CACNA2D4: variants seen among roughly 807,000 people sequenced by gnomAD.
The protein encoded by CACNA2D4 is calcium voltage-gated channel auxiliary subunit alpha2delta 4.
Under a neutral mutation model 163.8 loss-of-function variants are expected in CACNA2D4, and 157 were observed. That is an observed-to-expected ratio of 0.96 (90% CI 0.84 to 1.09). The LOEUF (loss-of-function observed/expected upper bound fraction) is 1.09. CACNA2D4 is among the 50% of genes least tolerant of loss of function. The probability of loss-of-function intolerance (pLI) is 0.00; values close to 1 mark genes in which losing one functional copy is unlikely to be tolerated. For synonymous variants in CACNA2D4, 598 were observed against 586.9 expected (o/e 1.02, Z -0.27); for missense variants, 1,410 against 1,479.9 (o/e 0.95, Z 0.78).
At chr12:1,797,153 G>C (rs921547382) in intron 35 of CACNA2D4, among the ~76,000 whole-genome samples, 16 of 152,212 alleles carry the variant, frequency 1.1e-4, no homozygotes, top group Non-Finnish European at 2.2e-4. Context: ...GACACACAGG[G>C]TCAGGCCTCG....
At chr12:1,845,366 T>G (rs1409931601) in intron 24 of CACNA2D4, among the ~76,000 whole-genome samples, 1 of 92,572 alleles carries the variant, frequency 1.1e-5, no homozygotes, top group Admixed American at 1.6e-4. Context: ...CTCTGCCTTC[T>G]CCACCTCCGC....
At chr12:1,817,877 C>T (rs1382704821) in intron 26 of CACNA2D4, among the ~76,000 whole-genome samples, 4 of 151,038 alleles carry the variant, frequency 2.6e-5, no homozygotes, top group African/African-American at 5.0e-5. Flanking sequence ...CCCAAAGTGC[C>T]GAGATTGCAG....
rs756285159 is a variant in CACNA2D4 at position 1,909,947 on chromosome 12, C to A, written c.445G>T (p.Glu149Ter). The change falls in exon 4 of 38, where the codon GAG (glutamate) becomes TAG (stop). Residue 149 changes from glutamate to a stop codon, truncating the protein, a stop_gained. Coordinates refer to ENST00000382722, the MANE Select transcript of CACNA2D4 (RefSeq NM_172364.5). LOFTEE classifies it high-confidence loss of function. ...AATTCGTGGTTCAGGTCGGCCTCCT[C>A]GGCAGCTTCCACCAGATTCTGAGGG... Reference protein sequence around the residue: ...EAVQNLVEAAEEADLNHEFNE... With the variant: ...EAVQNLVEAA The A allele has an allele frequency of 2.1e-5, 34 of 1,613,642 alleles. No homozygotes were observed. The highest frequency in any genetic ancestry group is 2.8e-5 in the Non-Finnish European group (33 of 1,179,784).
chr12:1,837,388 C>T (rs1438791212), intron 26 of CACNA2D4, among the ~76,000 whole-genome samples: 1 of 152,114 alleles, frequency 6.6e-6, no homozygotes, highest in Non-Finnish European at 1.5e-5. Flanking sequence ...CTCCACGGGG[C>T]TCAGCAGGTG....
intron 23 of CACNA2D4, among the ~76,000 whole-genome samples, chr12:1,852,840 C>T (rs1865315189): frequency 6.6e-6 from 1 of 152,116 alleles, no homozygotes; most frequent in Non-Finnish European, 1.5e-5. Context: ...TCCAGCTCTG[C>T]CACTTTCGAG....
Position 1,878,655 on chromosome 12 carries a change from T to TAATCTCAC in CACNA2D4, c.1645-274_1645-267dup, listed in dbSNP as rs1445390527. 1.2e-4 allele frequency among the ~76,000 whole-genome samples: 18 copies of TAATCTCAC among 152,340 alleles called. No homozygotes were observed. The East Asian group carries it at 3.3e-3, about 28-fold the overall frequency. ...ACATGTTCTGGGTGCTTTGATGATG[T>TAATCTCAC]AATCTCACTCACCCTTACAGCAGGA... On this transcript the variant is annotated intron_variant, in intron 15 of 37. Coordinates refer to ENST00000382722, the MANE Select transcript of CACNA2D4 (RefSeq NM_172364.5). This position sits in a 1 kb window ranked among gnomAD's most constrained non-coding sequence, Gnocchi z 4.6.
chr12:1,857,619 AC>A (rs1865429173), intron 20 of CACNA2D4, among the ~76,000 whole-genome samples: 1 of 151,952 alleles, frequency 6.6e-6, no homozygotes, highest in African/African-American at 2.4e-5. Context: ...GATATCTGTG[AC>A]CCCTGAGATA....
Position 1,793,622 on chromosome 12 carries a change from A to G in CACNA2D4, c.*33T>C, listed in dbSNP as rs1263335557. The G allele has an allele frequency of 1.3e-6, 2 of 1,587,588 alleles. No individual in the cohort carries two copies. The highest frequency in any genetic ancestry group is 1.7e-6 in the Non-Finnish European group (2 of 1,156,162). ...TTTTTGGGATGGCTCTGGAAGGATC[A>G]CCTTGCCAAAACACAGGTCAGGCTG... On this transcript the variant is annotated 3_prime_UTR_variant, in exon 38 of 38. Coordinates refer to ENST00000382722, the MANE Select transcript of CACNA2D4 (RefSeq NM_172364.5).
chr12:1,824,391 C>T (rs556386934), intron 26 of CACNA2D4, among the ~76,000 whole-genome samples: 1 of 152,298 alleles, frequency 6.6e-6, no homozygotes, highest in Non-Finnish European at 1.5e-5. Context: ...CAATGGTCTA[C>T]ACTCAAAGCC....
rs980203396 is a variant in CACNA2D4, at chr12:1,795,452, A to G, written c.3227-71T>C. 18 of 1,427,726 alleles carry G rather than the reference A, an allele frequency of 1.3e-5. No homozygotes were observed. In the African/African-American group the frequency reaches 2.4e-4, roughly 19 times the overall value. 88.4% of individuals were successfully genotyped at this position (1,427,726 alleles called of 1,614,324 possible). On this transcript the variant is annotated intron_variant, in intron 36 of 37. Transcript: ENST00000382722. ...TTCTGCAGACTGGAAAAAGGTCTGG[A>G]AGAACCTGCTCTGGTGCCACCAGTT...
chr12:1,869,619 G>A lies in CACNA2D4; in HGVS notation c.1878+4985C>T, dbSNP rs1330950010. On this transcript the variant is annotated intron_variant, in intron 18 of 37. Coordinates refer to ENST00000382722, the MANE Select transcript of CACNA2D4 (RefSeq NM_172364.5). The surrounding 1 kb of genome is among the most constrained non-coding windows in gnomAD (Gnocchi z 4.7). ...ATCCAGCTTTCCTTCCCAACTGCTGGTCATGCTGACCTACAATGACTTCAA... is the reference window on the plus strand; with the variant it reads ...ATCCAGCTTTCCTTCCCAACTGCTGATCATGCTGACCTACAATGACTTCAA... Among the ~76,000 whole-genome samples the A allele has an allele frequency of 1.3e-5, 2 of 152,126 alleles. No homozygotes were observed. The highest frequency in any genetic ancestry group is 2.9e-5 in the Non-Finnish European group (2 of 68,024).
rs1864772431 is a variant in CACNA2D4 at position 1,834,585 on chromosome 12, T to C, written c.2551+6154A>G. The C allele has an allele frequency of 1.2e-6, 2 of 1,600,532 alleles. No individual in the cohort carries two copies. Among genetic ancestry groups the C allele is most frequent in the South Asian group, 1.1e-5 (1 of 91,082 alleles). On this transcript the variant is annotated intron_variant, in intron 26 of 37. Coordinates refer to ENST00000382722, the MANE Select transcript of CACNA2D4 (RefSeq NM_172364.5). The surrounding 1 kb of genome is among the most constrained non-coding windows in gnomAD (Gnocchi z 7.6). ...TGCGGCGTCGTCTGCATCATGATGG[T>C]GGTGGCCGCTGCCTATGGCTGCATC...
rs1219833736 is a variant in CACNA2D4, at chr12:1,827,836, C to T, written c.2551+12903G>A. 8.7e-6 allele frequency: 3 copies of T among 343,092 alleles called. No individual in the cohort carries two copies. The Admixed American group carries it at 1.4e-4, about 16-fold the overall frequency. 21.3% of individuals were successfully genotyped at this position (343,092 alleles called of 1,614,324 possible). ...GCTGGGTAGGCCCATGGGTGCACCC[C>T]CAGCTTTGCGGCACTGTGCCCGACC... On this transcript the variant is annotated intron_variant, in intron 26 of 37. Transcript: ENST00000382722.
At chr12:1,831,218 TCTGA>T in intron 26 of CACNA2D4, 1 of 1,613,892 alleles carries the variant, frequency 6.2e-7, no homozygotes, top group Non-Finnish European at 8.5e-7. Flanking sequence ...ACCTGACGAA[TCTGA>T]CTGAGCTTCA....
intron 26 of CACNA2D4, among the ~76,000 whole-genome samples, chr12:1,817,973 T>C (rs1325162849): frequency 4.3e-5 from 6 of 138,974 alleles, no homozygotes; most frequent in South Asian, 2.4e-4. Flanking sequence ...AGCCTCTCTG[T>C]CTGGCTGCCC....
intron 18 of CACNA2D4, among the ~76,000 whole-genome samples, chr12:1,873,921 C>T (rs1377858679): frequency 6.6e-6 from 1 of 152,180 alleles, no homozygotes; most frequent in African/African-American, 2.4e-5. Flanking sequence ...TGTGGAAGAA[C>T]TTGGGTCTAA....
At chr12:1,856,147 C>A (rs2286373) in intron 21 of CACNA2D4, 37 bp downstream of exon 21, 73,821 of 1,613,744 alleles carry the variant, frequency 0.046, 2,145 homozygotes, top group African/African-American at 0.13. Flanking sequence ...TCAAAACATT[C>A]CACCTGTCTC....
intron 4 of CACNA2D4, among the ~76,000 whole-genome samples, chr12:1,908,540 T>C (rs1232158874): frequency 3.3e-5 from 5 of 151,990 alleles, no homozygotes; most frequent in Non-Finnish European, 5.9e-5. Flanking sequence ...GTGCTAGGAT[T>C]GCCTCCGGTG....
At position 1,802,740 on chromosome 12, in the gene CACNA2D4, G is replaced by A. The variant is rs991129017; in HGVS notation, c.2722-1096C>T. Among the ~76,000 whole-genome samples the A allele has an allele frequency of 5.3e-4, 81 of 152,308 alleles. No homozygotes were observed. Among genetic ancestry groups the A allele is most frequent in the African/African-American group, 1.8e-3 (75 of 41,564 alleles). On this transcript the variant is annotated intron_variant, in intron 29 of 37. Transcript: ENST00000382722. This position sits in a 1 kb window ranked among gnomAD's most constrained non-coding sequence, Gnocchi z 4.7. The stretch of plus-strand genomic sequence containing the variant: ...GTCCGGCTTGGCTGTTCTCCCTGCC[G>A]ATTACCCTTCCTCTGTCCTCATGCC...
Sources: gnomAD v4.1 joint callset for allele counts (sites outside exome capture counted in the v4.1 genomes callset) on GRCh38, gnomAD v4.1.1 for gene constraint, Gnocchi (gnomAD v3.1) non-coding constraint, MANE v1.5 for transcripts, NCBI Gene and HGNC (gene_info 2026-07-23, HGNC 2026-07-21) for gene names.